CFDP1: variants seen among roughly 807,000 people sequenced by gnomAD.
CFDP1 encodes the protein chromatin remodeling protein CFDP1, also known as heterochromatin-stabilizing protein CFDP1.
In CFDP1, 31 loss-of-function variants were observed where a neutral mutation model predicts 40.1. The ratio of observed to expected loss-of-function variants is 0.77; its 90% CI spans 0.58 to 1.04. The LOEUF (loss-of-function observed/expected upper bound fraction) is 1.04. CFDP1 is among the 50% of genes least tolerant of loss of function. The pLI is 0.00. For missense variants in CFDP1, 423 were observed against 343.4 expected (o/e 1.23, Z -1.83); for synonymous variants, 167 against 120.0 (o/e 1.39, Z -2.56).
chr16:75,349,698 T>TATATATATACAC lies in CFDP1; in HGVS notation c.651-44517_651-44516insGTGTATATATAT, dbSNP rs146824267. On this transcript the variant is annotated intron_variant, in intron 5 of 6. Coordinates refer to ENST00000283882, the MANE Select transcript of CFDP1 (RefSeq NM_006324.3). ...AAAAAAAAAAAAAAAAAAATATATATACATACATATATACGGTTGATTTTT... is the reference window on the plus strand; with the variant it reads ...AAAAAAAAAAAAAAAAAAATATATATATATATATACACACATACATATATACGGTTGATTTTT... 2.1e-3 allele frequency among the ~76,000 whole-genome samples: 99 copies of TATATATATACAC among 47,884 alleles called. 10 individuals are homozygous for TATATATATACAC. Among genetic ancestry groups the TATATATATACAC allele is most frequent in the African/African-American group, 4.6e-3 (42 of 9,164 alleles). 31.4% of individuals were successfully genotyped at this position (47,884 alleles called of 152,430 possible). A position where few individuals can be genotyped will look rare whatever the true frequency, so the allele number is the denominator to read the frequency against.
At chr16:75,411,662 T>C (rs1424665760) in intron 4 of CFDP1, among the ~76,000 whole-genome samples, 163 bp downstream of exon 4, 6 of 152,218 alleles carry the variant, frequency 3.9e-5, no homozygotes, top group Non-Finnish European at 2.9e-5. Flanking sequence ...AGGACCTTTC[T>C]CATACTCCCT....
At position 75,328,684 on chromosome 16, in the gene CFDP1, A is replaced by AT. The variant is rs546808850; in HGVS notation, c.651-23503dup. Among the ~76,000 whole-genome samples, 953 of 143,382 alleles carry AT rather than the reference A, an allele frequency of 6.6e-3. 8 individuals are homozygous for AT. Among genetic ancestry groups the AT allele is most frequent in the Middle Eastern group, 0.018 (5 of 276 alleles). 94.1% of individuals were successfully genotyped at this position (143,382 alleles called of 152,430 possible). Reference sequence around the variant, plus strand: ...AAGAAATAGCAGTATAATAAGCATAATTTTTTTTTTTTGAGATGAACTCTC... The same window carrying AT: ...AAGAAATAGCAGTATAATAAGCATAATTTTTTTTTTTTTGAGATGAACTCTC... On this transcript the variant is annotated intron_variant, in intron 5 of 6. Coordinates refer to ENST00000283882, the MANE Select transcript of CFDP1 (RefSeq NM_006324.3).
intron 4 of CFDP1, among the ~76,000 whole-genome samples, chr16:75,409,877 A>T (rs181478146): frequency 4.6e-5 from 7 of 152,190 alleles, no homozygotes; most frequent in Admixed American, 2.0e-4. Flanking sequence ...TCAGAAGAAG[A>T]AGTTAGAGAG....
intron 5 of CFDP1, among the ~76,000 whole-genome samples, chr16:75,320,116 T>C (rs2078351655): frequency 6.6e-6 from 1 of 152,236 alleles, no homozygotes; most frequent in Non-Finnish European, 1.5e-5. Flanking sequence ...GTAGAGTTTC[T>C]TTCCTTAATC....
chr16:75,399,088 G>C (rs932213931), intron 4 of CFDP1, among the ~76,000 whole-genome samples: 1 of 149,972 alleles, frequency 6.7e-6, no homozygotes, highest in Admixed American at 6.7e-5. Context: ...AAGAAAACCT[G>C]TGAAGTGGTT....
Position 75,412,586 on chromosome 16 carries a change from G to T in CFDP1, c.351C>A (p.Phe117Leu). Residue 117 changes from phenylalanine (F) to leucine (L), a missense_variant, in exon 3 of 7, where the codon TTC becomes TTA. Coordinates refer to ENST00000283882, the MANE Select transcript of CFDP1 (RefSeq NM_006324.3). ...KKKEDELWASFLNDVGPKSKV... is the reference protein window; with the variant it reads ...KKKEDELWASLLNDVGPKSKV... ...TTGATTTTGGTCCCACATCATTGAG[G>T]AAGCTGGCCCAGAGTTCGTCCTCCT... The T allele has an allele frequency of 6.2e-7, 1 of 1,614,094 alleles. No individual in the cohort carries two copies. Among genetic ancestry groups the T allele is most frequent in the Non-Finnish European group, 8.5e-7 (1 of 1,180,016 alleles).
chr16:75,432,643 C>G (rs993808026), intron 1 of CFDP1, among the ~76,000 whole-genome samples: 2 of 152,134 alleles, frequency 1.3e-5, no homozygotes, highest in Non-Finnish European at 2.9e-5. Context: ...TTTGTCTAGT[C>G]TTTCAACTGA....
chr16:75,382,593 A>AG (rs2078861423), intron 5 of CFDP1, among the ~76,000 whole-genome samples: 1 of 152,240 alleles, frequency 6.6e-6, no homozygotes, highest in Non-Finnish European at 1.5e-5. Flanking sequence ...AAATGGTATC[A>AG]AAAATTTGGA....
At chr16:75,330,449 C>T (rs960725477) in intron 5 of CFDP1, among the ~76,000 whole-genome samples, 1 of 152,108 alleles carries the variant, frequency 6.6e-6, no homozygotes, top group African/African-American at 2.4e-5. Flanking sequence ...ATTAGCCAGG[C>T]GTGGTGGCGC....
intron 1 of CFDP1, among the ~76,000 whole-genome samples, chr16:75,430,472 CT>C (rs34608926): frequency 4.6e-4 from 64 of 140,572 alleles, no homozygotes; most frequent in Admixed American, 9.2e-4. Flanking sequence ...CACCTGGCCA[CT>C]TTTTTTTTTT....
At chr16:75,425,203 C>T (rs560767243) in intron 1 of CFDP1, among the ~76,000 whole-genome samples, 90 of 151,920 alleles carry the variant, frequency 5.9e-4, no homozygotes, top group African/African-American at 2.0e-3. Context: ...GATACTTTTT[C>T]GAGAGATGAA....
At chr16:75,409,510 C>CTTG in intron 4 of CFDP1, 1 of 152,032 alleles carries the variant, frequency 6.6e-6, no homozygotes, top group East Asian at 1.9e-4. Context: ...TCTAGTAATT[C>CTTG]CTTTTTATTG....
chr16:75,304,962 A>G (rs1597319842), intron 6 of CFDP1, 62 bp downstream of exon 6: 2 of 1,549,692 alleles, frequency 1.3e-6, no homozygotes, highest in Non-Finnish European at 1.8e-6. Flanking sequence ...TTTGTCTCCA[A>G]TAAATCATTT....
chr16:75,408,776 AAAT>A (rs1004311742), intron 4 of CFDP1, among the ~76,000 whole-genome samples: 3 of 152,026 alleles, frequency 2.0e-5, no homozygotes, highest in Admixed American at 6.6e-5. Context: ...CCCTGTCTCA[AAAT>A]AATAATAATA....
At chr16:75,428,559 G>C (rs1327373206) in intron 1 of CFDP1, among the ~76,000 whole-genome samples, 1 of 152,016 alleles carries the variant, frequency 6.6e-6, no homozygotes, top group East Asian at 1.9e-4. Flanking sequence ...GGAAGTTGCA[G>C]TGAGCCGAGA....
In CFDP1 at chr16:75,396,238, T is replaced by TA. The variant is rs1168277407; in HGVS notation, c.531-1030dup. Among the ~76,000 whole-genome samples, 39 of 97,810 alleles carry TA rather than the reference T, an allele frequency of 4.0e-4. 6 individuals are homozygous for TA. The South Asian group carries it at 9.9e-3, about 25-fold the overall frequency. 64.2% of individuals were successfully genotyped at this position (97,810 alleles called of 152,430 possible). A position where few individuals can be genotyped will look rare whatever the true frequency, so the allele number is the denominator to read the frequency against. The stretch of plus-strand genomic sequence containing the variant: ...CTATTTCAAGGAGAAAAACAAGAGT[T>TA]AAAAAAAAAAATTTGAGGAGACCAG... On this transcript the variant is annotated intron_variant, in intron 4 of 6. Transcript: ENST00000283882.
chr16:75,368,439 T>C (rs1356718462), intron 5 of CFDP1, among the ~76,000 whole-genome samples: 2 of 152,192 alleles, frequency 1.3e-5, no homozygotes, highest in African/African-American at 2.4e-5. Flanking sequence ...GTACTGAAGA[T>C]TGGTTACATG....
At chr16:75,359,215 A>G (rs910418265) in intron 5 of CFDP1, among the ~76,000 whole-genome samples, 1 of 152,226 alleles carries the variant, frequency 6.6e-6, no homozygotes, top group Middle Eastern at 3.2e-3. Context: ...TTAAAAATAT[A>G]CTAGTTTATT....
intron 5 of CFDP1, among the ~76,000 whole-genome samples, chr16:75,363,606 G>A (rs9940884): frequency 0.22 from 33,026 of 151,902 alleles, 4,038 homozygotes; most frequent in African/African-American, 0.33. Context: ...ATGTTGGTCA[G>A]GCTGATCTCA....
Sources: gnomAD v4.1 joint callset for allele counts (sites outside exome capture counted in the v4.1 genomes callset) on GRCh38, gnomAD v4.1.1 for gene constraint, MANE v1.5 for transcripts, NCBI Gene and HGNC (gene_info 2026-07-23, HGNC 2026-07-21) for gene names.